The following ADSS2 variants were observed in gnomAD, a reference collection of about 807,000 sequenced individuals.
The protein encoded by ADSS2 is adenylosuccinate synthase 2, also known as adenylosuccinate synthetase isozyme 2.
In ADSS2, 30 loss-of-function variants were observed where a neutral mutation model predicts 60.0. The ratio of observed to expected loss-of-function variants is 0.50; its 90% CI spans 0.37 to 0.68. The LOEUF (loss-of-function observed/expected upper bound fraction) is 0.68. Among genes scored for constraint, ADSS2 ranks in the 30% least tolerant of loss-of-function variants. The pLI is 0.00. For missense variants in ADSS2, 373 were observed against 554.8 expected, an observed-to-expected ratio of 0.67 and a Z score of 3.29; for synonymous variants, 187 against 193.1, an observed-to-expected ratio of 0.97 and a Z score of 0.26.
intron 1 of ADSS2, among the ~76,000 whole-genome samples, chr1:244,443,010 T>C (rs1482284238): frequency 6.6e-6 from 1 of 152,148 alleles, no homozygotes; most frequent in African/African-American, 2.4e-5. Context: ...GAAGGGCAGA[T>C]GGAGCTGCTC....
Position 244,451,650 on chromosome 1 carries a change from G to C in ADSS2, c.168C>G (p.Ile56Met). 6.2e-7 allele frequency: 1 copy of C among 1,610,462 alleles called. No homozygotes were observed. The highest frequency in any genetic ancestry group is 1.1e-5 in the South Asian group (1 of 90,736). The change falls in exon 1 of 13, where the codon ATC becomes ATG. Residue 56 changes from isoleucine to methionine, a missense_variant. Ile to Met is a conservative substitution (Grantham distance 10). Around this residue, in one of 5 missense-constraint regions of ADSS2, gnomAD observed 29 missense variants for 73.3 expected, o/e 0.40. Coordinates refer to ENST00000366535, the MANE Select transcript of ADSS2 (RefSeq NM_001126.5). This position sits in a 1 kb window ranked among gnomAD's most constrained non-coding sequence, Gnocchi z 6.6. ...VVDLLAQDAD[I>M]VCRCQGGNNA... ...GTCGCCTCACCTGGCAGCGGCACAC[G>C]ATGTCGGCGTCCTGCGCCAGCAGGT...
chr1:244,411,301 T>A lies in ADSS2; in HGVS notation c.1304A>T (p.Glu435Val), dbSNP rs751406369. 5 of 1,609,042 alleles carry A rather than the reference T, an allele frequency of 3.1e-6. No homozygotes were observed. In the Admixed American group the frequency reaches 8.5e-5, roughly 27 times the overall value. ...AQNYVRFIED[E>V]LQIPVKWIGV... ...TTTATGTTTACCTGGAATTTGAAGC[T>A]CATCTTCAATAAATCGAACATAGTT... is the stretch of plus-strand genomic sequence containing the variant. Residue 435 changes from glutamate to valine, a missense_variant, in exon 12 of 13, where the codon GAG becomes GTG. Glu to Val is a moderately radical substitution (Grantham distance 121). Transcript: ENST00000366535.
At chr1:244,424,287 A>C (rs1292263056) in intron 5 of ADSS2, 34 bp downstream of exon 5, 1 of 1,596,898 alleles carries the variant, frequency 6.3e-7, no homozygotes, top group Non-Finnish European at 8.6e-7. Context: ...GCATATGCTT[A>C]AACTGTACCA....
chr1:244,415,676 G>A (rs1197891203), intron 11 of ADSS2, among the ~76,000 whole-genome samples: 1 of 152,166 alleles, frequency 6.6e-6, no homozygotes, highest in Admixed American at 6.5e-5. Context: ...CCCCAAGGAA[G>A]GAAGAAACAC....
chr1:244,451,143 T>C lies in ADSS2; in HGVS notation c.183+492A>G, dbSNP rs1249982464. Reference sequence around the variant, plus strand: ...GCAGATGGGGGATCGGTGAGTCTGATTTCAGGACGTTTCGAAACAATCCAC... The same window carrying C: ...GCAGATGGGGGATCGGTGAGTCTGACTTCAGGACGTTTCGAAACAATCCAC... On this transcript the variant is annotated intron_variant, in intron 1 of 12. Transcript: ENST00000366535. The surrounding 1 kb of genome is among the most constrained non-coding windows in gnomAD (Gnocchi z 6.6). 6.6e-6 allele frequency among the ~76,000 whole-genome samples: 1 copy of C among 152,094 alleles called. No homozygotes were observed. Among genetic ancestry groups the C allele is most frequent in the Non-Finnish European group, 1.5e-5 (1 of 68,004 alleles).
chr1:244,426,223 C>A (rs545028139), intron 4 of ADSS2, among the ~76,000 whole-genome samples: 1 of 152,204 alleles, frequency 6.6e-6, no homozygotes, highest in East Asian at 1.9e-4. Flanking sequence ...ATTCTCATTT[C>A]TTTTGAATAA....
intron 7 of ADSS2, among the ~76,000 whole-genome samples, chr1:244,420,615 A>G (rs1664652166): frequency 6.6e-6 from 1 of 152,250 alleles, no homozygotes; most frequent in South Asian, 2.1e-4. Flanking sequence ...AGGAAAATAA[A>G]AATAAATGAC....
chr1:244,411,891 A>G (rs1185143832), intron 11 of ADSS2, among the ~76,000 whole-genome samples: 2 of 152,134 alleles, frequency 1.3e-5, no homozygotes, highest in Non-Finnish European at 2.9e-5. Flanking sequence ...TCATTATTCT[A>G]CGTATTTTCT....
rs73129718 is a variant in ADSS2, at chr1:244,430,415, C to T, written c.406+2130G>A. On this transcript the variant is annotated intron_variant, in intron 4 of 12. Coordinates refer to ENST00000366535, the MANE Select transcript of ADSS2 (RefSeq NM_001126.5). Reference sequence around the variant, plus strand: ...CTTTCCAACAGGCTGATATCATCAGCGTATATTTATATCTGCACATAGCCC... The same window carrying T: ...CTTTCCAACAGGCTGATATCATCAGTGTATATTTATATCTGCACATAGCCC... Among the ~76,000 whole-genome samples the T allele has an allele frequency of 5.3e-3, 809 of 152,260 alleles. 14 individuals carry two copies. The highest frequency in any genetic ancestry group is 0.018 in the African/African-American group (729 of 41,550).
rs1665568793 is a variant in ADSS2 at position 244,451,152 on chromosome 1, G to A, written c.183+483C>T. 6.6e-6 allele frequency among the ~76,000 whole-genome samples: 1 copy of A among 152,164 alleles called. No homozygotes were observed. The highest frequency in any genetic ancestry group is 2.4e-5 in the African/African-American group (1 of 41,456). ...GGATCGGTGAGTCTGATTTCAGGAC[G>A]TTTCGAAACAATCCACTCCCACTCC... On this transcript the variant is annotated intron_variant, in intron 1 of 12. Transcript: ENST00000366535. This position sits in a 1 kb window ranked among gnomAD's most constrained non-coding sequence, Gnocchi z 6.6.
rs541478611 is a variant in ADSS2 at position 244,408,689 on chromosome 1, C to T, written c.*897G>A. On this transcript the variant is annotated 3_prime_UTR_variant, in exon 13 of 13. Transcript: ENST00000366535. ...GCATAATCAAAATTATGGCTAACAA[C>T]GTGGGTTCATTTTGACACTTACAGA... The T allele has an allele frequency of 4.0e-5, 6 of 150,960 alleles. No individual in the cohort carries two copies. In the East Asian group the frequency reaches 5.9e-4, roughly 15 times the overall value. 9.4% of individuals were successfully genotyped at this position (150,960 alleles called of 1,614,324 possible). A position where few individuals can be genotyped will look rare whatever the true frequency, so the allele number is the denominator to read the frequency against.
intron 3 of ADSS2, among the ~76,000 whole-genome samples, chr1:244,434,835 T>C (rs1665044426): frequency 6.6e-6 from 1 of 152,224 alleles, no homozygotes; most frequent in Middle Eastern, 3.4e-3. Flanking sequence ...GACAGGGTTC[T>C]GTAGTGGTTA....
At chr1:244,433,116 A>G (rs898838363) in intron 3 of ADSS2, among the ~76,000 whole-genome samples, 4 of 152,008 alleles carry the variant, frequency 2.6e-5, no homozygotes, top group Non-Finnish European at 5.9e-5. Flanking sequence ...GGTGCATCTA[A>G]TCCCAGCTAC....
chr1:244,424,412 G>A lies in ADSS2; in HGVS notation c.407-25C>T, dbSNP rs200336048. 3.8e-5 allele frequency: 61 copies of A among 1,602,268 alleles called. No homozygotes were observed. The East Asian group carries it at 1.2e-3, about 32-fold the overall frequency. ...ACTGAGGGGAAATAAAACCACAGTTGTTGAAACAAAGATAATACACAAAAG... is the reference window on the plus strand; with the variant it reads ...ACTGAGGGGAAATAAAACCACAGTTATTGAAACAAAGATAATACACAAAAG... On this transcript the variant is annotated intron_variant, in intron 4 of 12. Coordinates refer to ENST00000366535, the MANE Select transcript of ADSS2 (RefSeq NM_001126.5).
intron 4 of ADSS2, among the ~76,000 whole-genome samples, chr1:244,427,606 A>G (rs935793215): frequency 6.6e-6 from 1 of 152,128 alleles, no homozygotes; most frequent in African/African-American, 2.4e-5. Flanking sequence ...CAGATACACT[A>G]AGGATTATTA....
intron 3 of ADSS2, among the ~76,000 whole-genome samples, chr1:244,434,389 C>A (rs1325260195): frequency 1.3e-5 from 2 of 150,634 alleles, no homozygotes; most frequent in East Asian, 1.9e-4. Context: ...AACAAATGAA[C>A]CCAAATCGAT....
chr1:244,432,446 TAAATAA>T (rs1302197990), intron 4 of ADSS2, 93 bp downstream of exon 4: 4 of 891,720 alleles, frequency 4.5e-6, no homozygotes, highest in Non-Finnish European at 6.8e-6. Context: ...CTACTTACGC[TAAATAA>T]AAATAAAAGA....
intron 1 of ADSS2, among the ~76,000 whole-genome samples, chr1:244,440,772 C>T (rs1316821160): frequency 3.9e-5 from 6 of 152,156 alleles, no homozygotes; most frequent in African/African-American, 4.8e-5. Context: ...AAACTATATA[C>T]ATGTGGGCAG....
In ADSS2 at chr1:244,428,235, C is replaced by A. The variant is rs574615781; in HGVS notation, c.407-3848G>T. Among the ~76,000 whole-genome samples, 3 of 152,140 alleles carry A rather than the reference C, an allele frequency of 2.0e-5. No individual in the cohort carries two copies. In the South Asian group the frequency reaches 6.2e-4, roughly 32 times the overall value. On this transcript the variant is annotated intron_variant, in intron 4 of 12. Coordinates refer to ENST00000366535, the MANE Select transcript of ADSS2 (RefSeq NM_001126.5). ...ACATCCTGAGCCATAAAAGAAGTCTCAACAAAGATTAGGATCATACATATT... is the reference window on the plus strand; with the variant it reads ...ACATCCTGAGCCATAAAAGAAGTCTAAACAAAGATTAGGATCATACATATT...
Sources: gnomAD v4.1 joint callset for allele counts (sites outside exome capture counted in the v4.1 genomes callset) on GRCh38, gnomAD v4.1.1 for gene constraint, gnomAD v4.1.1 regional missense constraint, Gnocchi (gnomAD v3.1) non-coding constraint, MANE v1.5 for transcripts, NCBI Gene and HGNC (gene_info 2026-07-23, HGNC 2026-07-21) for gene names.